GFPT1: variants seen among roughly 807,000 people sequenced by gnomAD.
GFPT1 encodes glutamine--fructose-6-phosphate transaminase 1.
GFPT1 carries 40 observed loss-of-function variants against 92.0 expected under a neutral mutation model. That is an observed-to-expected ratio of 0.43 (90% CI 0.34 to 0.57). The LOEUF (loss-of-function observed/expected upper bound fraction) is 0.57. Ranked by LOEUF, GFPT1 falls within the 20% of genes least tolerant of loss-of-function variation. GFPT1 has a pLI of 0.02. For synonymous variants in GFPT1, 269 were observed against 280.6 expected, an observed-to-expected ratio of 0.96 and a Z score of 0.41; for missense variants, 448 against 869.1, an observed-to-expected ratio of 0.52 and a Z score of 6.09.
At chr2:69,363,747 A>G in intron 3 of GFPT1, 77 bp from the exon 4 acceptor site, 1 of 962,042 alleles carries the variant, frequency 1.0e-6, no homozygotes, top group Non-Finnish European at 1.7e-6. Context: ...TTTAAATACA[A>G]TTATTACAAT....
intron 15 of GFPT1, among the ~76,000 whole-genome samples, chr2:69,332,378 T>A (rs1455261663): frequency 6.6e-6 from 1 of 151,468 alleles, no homozygotes; most frequent in African/African-American, 2.4e-5. Context: ...AATGGCATGA[T>A]CTTGGCTCAC....
intron 1 of GFPT1, among the ~76,000 whole-genome samples, chr2:69,379,914 TTAC>T (rs1232405950): frequency 1.3e-5 from 2 of 151,460 alleles, no homozygotes; most frequent in Non-Finnish European, 2.9e-5. Flanking sequence ...AAATGAGGTC[TTAC>T]TACATTGCCC....
intron 11 of GFPT1, among the ~76,000 whole-genome samples, chr2:69,346,400 G>A (rs1043333909): frequency 3.3e-5 from 5 of 151,986 alleles, no homozygotes; most frequent in Non-Finnish European, 5.9e-5. Context: ...TACCACGCCC[G>A]GCTAATTTTT....
intron 1 of GFPT1, among the ~76,000 whole-genome samples, chr2:69,374,330 T>TA (rs1671821995): frequency 1.3e-5 from 2 of 151,708 alleles, no homozygotes. Flanking sequence ...TTTTTTTTTT[T>TA]TGAGACAGAG....
chr2:69,351,365 G>A (rs1671202741), intron 9 of GFPT1, among the ~76,000 whole-genome samples: 1 of 152,118 alleles, frequency 6.6e-6, no homozygotes. Context: ...ATGTCCTAGA[G>A]ACAAAAATGC....
chr2:69,357,467 A>G (rs142314886), intron 6 of GFPT1, among the ~76,000 whole-genome samples: 1,605 of 152,368 alleles, frequency 0.011, 7 homozygotes, highest in Non-Finnish European at 0.015. Flanking sequence ...GGATTATACA[A>G]TGAATAAAAG....
intron 12 of GFPT1, among the ~76,000 whole-genome samples, chr2:69,345,473 G>A (rs1036362363): frequency 1.3e-5 from 2 of 151,904 alleles, no homozygotes; most frequent in African/African-American, 2.4e-5. Context: ...ACAGTACCTA[G>A]GACAGTCCCT....
intron 9 of GFPT1, among the ~76,000 whole-genome samples, chr2:69,354,042 A>C (rs973810834): frequency 2.0e-5 from 3 of 152,250 alleles, no homozygotes; most frequent in African/African-American, 4.8e-5. Flanking sequence ...AAATTTCAGA[A>C]ATTTTAATGA....
intron 17 of GFPT1, 34 bp from the exon 18 acceptor site, chr2:69,328,472 A>T: frequency 6.6e-7 from 1 of 1,518,036 alleles, no homozygotes; most frequent in Non-Finnish European, 9.2e-7. Context: ...TCTTCAATCC[A>T]CTTTTCAAAA....
chr2:69,321,985 T>C lies in GFPT1; in HGVS notation c.*4204A>G, dbSNP rs917479781. 6.6e-6 allele frequency: 1 copy of C among 152,214 alleles called. No homozygotes were observed. Among genetic ancestry groups the C allele is most frequent in the African/African-American group, 2.4e-5 (1 of 41,468 alleles). The allele number at this position is 152,214 out of a possible 1,614,324, so 9.4% of individuals were successfully genotyped here. A position where few individuals can be genotyped will look rare whatever the true frequency, so the allele number is the denominator to read the frequency against. Reference sequence around the variant, plus strand: ...TTTGAAGCTAATATTATCAGTCCTATTGGCTGTCACTGTCACAGATCTGAA... The same window carrying C: ...TTTGAAGCTAATATTATCAGTCCTACTGGCTGTCACTGTCACAGATCTGAA... On this transcript the variant is annotated 3_prime_UTR_variant, in exon 20 of 20. Coordinates refer to ENST00000357308, the MANE Select transcript of GFPT1 (RefSeq NM_001244710.2).
rs1670459782 is a variant in GFPT1, at chr2:69,323,464, A to G, written c.*2725T>C. The G allele has an allele frequency of 6.6e-6, 1 of 152,098 alleles. No homozygotes were observed. The highest frequency in any genetic ancestry group is 6.5e-5 in the Admixed American group (1 of 15,272). 9.4% of individuals were successfully genotyped at this position (152,098 alleles called of 1,614,324 possible). Reference sequence around the variant, plus strand: ...TTTAAAAATCACTACATCAAATGGGATAGAGAGTAAGAAGACAGGAGAGAG... The same window carrying G: ...TTTAAAAATCACTACATCAAATGGGGTAGAGAGTAAGAAGACAGGAGAGAG... On this transcript the variant is annotated 3_prime_UTR_variant, in exon 20 of 20. Coordinates refer to ENST00000357308, the MANE Select transcript of GFPT1 (RefSeq NM_001244710.2).
rs1175703265 is a variant in GFPT1, at chr2:69,328,094, C to CA, written c.1893+176dup. Among the ~76,000 whole-genome samples, 723 of 82,564 alleles carry CA rather than the reference C, an allele frequency of 8.8e-3. 15 individuals are homozygous for CA. Among genetic ancestry groups the CA allele is most frequent in the Admixed American group, 0.041 (320 of 7,722 alleles). The allele number at this position is 82,564 out of a possible 152,430, so 54.2% of individuals were successfully genotyped here. The stretch of plus-strand genomic sequence containing the variant: ...AGGGTGGGTGACAGAGACTCCATCT[C>CA]AAAAAAAAAAAAAAAAAAAAACTCT... On this transcript the variant is annotated intron_variant, in intron 18 of 19. Coordinates refer to ENST00000357308, the MANE Select transcript of GFPT1 (RefSeq NM_001244710.2).
chr2:69,328,576 A>C, intron 17 of GFPT1, 138 bp from the exon 18 acceptor site: 1 of 636,394 alleles, frequency 1.6e-6, no homozygotes, highest in South Asian at 1.9e-5. Flanking sequence ...ATCTATAAAT[A>C]TATCTAACAA....
intron 9 of GFPT1, 122 bp from the exon 10 acceptor site, chr2:69,350,305 T>C (rs1332223159): frequency 1.4e-6 from 1 of 718,032 alleles, no homozygotes; most frequent in Non-Finnish European, 2.4e-6. Flanking sequence ...TTTTAGCAAA[T>C]TTAAAAAGCC....
At chr2:69,360,878 G>A (rs1671456697) in intron 4 of GFPT1, among the ~76,000 whole-genome samples, 1 of 152,028 alleles carries the variant, frequency 6.6e-6, no homozygotes, top group African/African-American at 2.4e-5. Flanking sequence ...GGGATTACAG[G>A]TGCATGCCAC....
chr2:69,372,583 G>C (rs1349021780), intron 2 of GFPT1, among the ~76,000 whole-genome samples: 1 of 151,454 alleles, frequency 6.6e-6, no homozygotes, highest in Non-Finnish European at 1.5e-5. Context: ...AAAAAAAAAA[G>C]AATCTTGAAG....
At chr2:69,326,880 C>CA in intron 19 of GFPT1, 34 bp downstream of exon 19, 1 of 1,609,072 alleles carries the variant, frequency 6.2e-7, no homozygotes, top group Non-Finnish European at 8.5e-7. Flanking sequence ...GGTAAAAAAC[C>CA]ATCCCAAGAT....
intron 13 of GFPT1, among the ~76,000 whole-genome samples, chr2:69,340,962 A>ATT (rs199569354): frequency 2.1e-5 from 3 of 145,024 alleles, no homozygotes; most frequent in African/African-American, 7.6e-5. Context: ...CGTGTTCAAA[A>ATT]TTTTTTTTTT....
At chr2:69,352,247 A>G (rs1671224785) in intron 9 of GFPT1, among the ~76,000 whole-genome samples, 1 of 152,116 alleles carries the variant, frequency 6.6e-6, no homozygotes, top group Non-Finnish European at 1.5e-5. Context: ...TGGGTGACAG[A>G]GCATGACTTT....
Sources: allele counts gnomAD v4.1 joint callset (sites outside exome capture counted in the v4.1 genomes callset), GRCh38; gene constraint gnomAD v4.1.1; transcripts MANE v1.5; gene names NCBI Gene and HGNC (gene_info 2026-07-23, HGNC 2026-07-21).